Variants in ZC3H18 observed in about 807,000 individuals in gnomAD.
ZC3H18 encodes zinc finger CCCH domain-containing protein 18.
A neutral mutation model predicts 106.1 loss-of-function variants in ZC3H18; 8 were observed. That is an observed-to-expected ratio of 0.08 (90% CI 0.04 to 0.14). The LOEUF is 0.14. Among genes scored for constraint, ZC3H18 ranks in the 10% least tolerant of loss-of-function variants. The pLI, the probability that ZC3H18 is intolerant of heterozygous loss-of-function variation, is 1.00. For synonymous variants in ZC3H18, 635 were observed against 522.1 expected (o/e 1.22, Z -2.95); for missense variants, 1,318 against 1,278.4 (o/e 1.03, Z -0.47).
At chr16:88,587,468 C>G in intron 3 of ZC3H18, 1 of 1,282,244 alleles carries the variant, frequency 7.8e-7, no homozygotes. Context: ...TGCTGTAAGC[C>G]CATAGATGAC....
chr16:88,586,837 T>C (rs566165611), intron 3 of ZC3H18, 153 bp downstream of exon 3: 34 of 621,328 alleles, frequency 5.5e-5, no homozygotes, highest in East Asian at 2.2e-4. Context: ...GTGGTGGTGG[T>C]GGCAATATTG....
chr16:88,612,791 C>T (rs1297948847), intron 8 of ZC3H18, among the ~76,000 whole-genome samples: 1 of 151,938 alleles, frequency 6.6e-6, no homozygotes, highest in Non-Finnish European at 1.5e-5. Context: ...TGCTTGAGCT[C>T]AGGAATTGAG....
chr16:88,584,078 T>C (rs747485701), intron 2 of ZC3H18, among the ~76,000 whole-genome samples: 11 of 152,206 alleles, frequency 7.2e-5, no homozygotes, highest in Admixed American at 2.6e-4. Flanking sequence ...GTTTATTTAT[T>C]TTGGGAGGTT....
chr16:88,610,356 GGAAGAGGGCCCCATCGTGCCA>G (rs1464771688), intron 7 of ZC3H18, among the ~76,000 whole-genome samples: 1 of 152,144 alleles, frequency 6.6e-6, no homozygotes. Flanking sequence ...GCTTGCAGAG[GGAAGAGGGCCCCATCGTGCCA>G]GAAAAGTCCC....
chr16:88,625,464 A>T (rs936843708), intron 13 of ZC3H18, 197 bp downstream of exon 13: 3 of 575,666 alleles, frequency 5.2e-6, no homozygotes, highest in Middle Eastern at 4.1e-4. Flanking sequence ...TGATAGGAAG[A>T]CCCCCTCCCC....
chr16:88,588,341 C>G lies in ZC3H18; in HGVS notation c.688+1657C>G, dbSNP rs141438015. 2.6e-3 allele frequency among the ~76,000 whole-genome samples: 398 copies of G among 152,334 alleles called. 1 individual carries two copies. The highest frequency in any genetic ancestry group is 9.1e-3 in the African/African-American group (377 of 41,576). On this transcript the variant is annotated intron_variant, in intron 3 of 17. Coordinates refer to ENST00000301011, the MANE Select transcript of ZC3H18 (RefSeq NM_144604.4). Reference sequence around the variant, plus strand: ...GTGGCAGTGTGACTGGGAAGCTTGACCGGCCAGTCGGCGTTGGCCTGATGG... The same window carrying G: ...GTGGCAGTGTGACTGGGAAGCTTGAGCGGCCAGTCGGCGTTGGCCTGATGG...
intron 1 of ZC3H18, among the ~76,000 whole-genome samples, chr16:88,572,780 C>T (rs757061150): frequency 1.3e-5 from 2 of 151,808 alleles, no homozygotes; most frequent in South Asian, 2.1e-4. Flanking sequence ...TTTTTTGAAA[C>T]GGAGTCTCAC....
intron 1 of ZC3H18, among the ~76,000 whole-genome samples, chr16:88,572,441 C>T (rs530913546): frequency 2.0e-5 from 3 of 151,878 alleles, no homozygotes; most frequent in East Asian, 1.9e-4. Flanking sequence ...CAGGTAGTTC[C>T]TCAATTAACG....
chr16:88,601,937 C>T (rs1382665907), intron 6 of ZC3H18, among the ~76,000 whole-genome samples: 5 of 152,046 alleles, frequency 3.3e-5, no homozygotes, highest in East Asian at 1.9e-4. Flanking sequence ...AGGGTGGAGA[C>T]CCCCCTATGA....
chr16:88,607,363 G>A (rs1905061647), intron 6 of ZC3H18, among the ~76,000 whole-genome samples: 1 of 152,210 alleles, frequency 6.6e-6, no homozygotes, highest in African/African-American at 2.4e-5. Context: ...TTCTTGGGGT[G>A]CGATTTTTCA....
Position 88,627,641 on chromosome 16 carries a change from G to C in ZC3H18, c.2128G>C (p.Val710Leu), listed in dbSNP as rs370561351. 1.2e-6 allele frequency: 2 copies of C among 1,606,238 alleles called. No homozygotes were observed. Among genetic ancestry groups the C allele is most frequent in the Admixed American group, 3.3e-5 (2 of 59,826 alleles). Reference sequence around the variant, plus strand: ...GTCCAGGTCCCTGAGCGTGAGCAGCGTCTCCTCAGTGTCCAGTGCTACGTC... The same window carrying C: ...GTCCAGGTCCCTGAGCGTGAGCAGCCTCTCCTCAGTGTCCAGTGCTACGTC... ...SRSRSLSVSS[V>L]SSVSSATSSS... is the part of the protein sequence containing the mutation. Residue 710 changes from valine to leucine, a missense_variant, in exon 14 of 18, where the codon GTC becomes CTC. Around this residue, in one of 6 missense-constraint regions of ZC3H18, gnomAD observed 848 missense variants for 821.7 expected, o/e 1.03. Transcript: ENST00000301011. This position sits in a 1 kb window ranked among gnomAD's most constrained non-coding sequence, Gnocchi z 4.5.
chr16:88,612,680 A>T (rs1202592883), intron 8 of ZC3H18, among the ~76,000 whole-genome samples: 1 of 139,882 alleles, frequency 7.1e-6, no homozygotes, highest in Non-Finnish European at 1.6e-5. Context: ...CCCTGTATCT[A>T]AAAAAAAAAA....
At chr16:88,620,089 C>G (rs965767649) in intron 8 of ZC3H18, among the ~76,000 whole-genome samples, 3 of 152,198 alleles carry the variant, frequency 2.0e-5, no homozygotes, top group Non-Finnish European at 4.4e-5. Context: ...GGAGCTGCCC[C>G]CATCCTGCAT....
At chr16:88,602,564 A>T (rs568921915) in intron 6 of ZC3H18, among the ~76,000 whole-genome samples, 1 of 152,352 alleles carries the variant, frequency 6.6e-6, no homozygotes, top group Non-Finnish European at 1.5e-5. Context: ...TGTTTTTAAC[A>T]AGCCCTCCAG....
intron 1 of ZC3H18, chr16:88,571,777 A>C: frequency 1.4e-6 from 1 of 713,926 alleles, no homozygotes; most frequent in Non-Finnish European, 1.7e-6. Context: ...TTTAGTGGTC[A>C]CGCTTGGTCA....
intron 12 of ZC3H18, among the ~76,000 whole-genome samples, chr16:88,624,998 C>T (rs990725510): frequency 3.3e-5 from 5 of 152,218 alleles, no homozygotes; most frequent in African/African-American, 1.2e-4. Context: ...GCCCCGTCTG[C>T]ACTGGAAGGT....
At chr16:88,593,374 A>T (rs918515540) in intron 3 of ZC3H18, among the ~76,000 whole-genome samples, 1 of 152,236 alleles carries the variant, frequency 6.6e-6, no homozygotes, top group Non-Finnish European at 1.5e-5. Flanking sequence ...CATCTGCTGG[A>T]CAAAGGGATG....
rs367592069 is a variant in ZC3H18 at position 88,628,199 on chromosome 16, G to C, written c.2469+80G>C. ...TGCTTCCTGAGACAGCTTCCTCCTG[G>C]GGGACGGAGCCTGAGTGAGGGCGAG... is the stretch of plus-strand genomic sequence containing the variant. On this transcript the variant is annotated intron_variant, in intron 15 of 17. Transcript: ENST00000301011. The C allele has an allele frequency of 8.5e-6, 13 of 1,533,054 alleles. No homozygotes were observed. In the South Asian group the frequency reaches 1.1e-4, roughly 13 times the overall value. 95.0% of individuals were successfully genotyped at this position (1,533,054 alleles called of 1,614,324 possible).
chr16:88,622,438 A>G, intron 9 of ZC3H18, 50 bp downstream of exon 9: 1 of 1,526,062 alleles, frequency 6.6e-7, no homozygotes, highest in Non-Finnish European at 8.8e-7. Context: ...TGGAGCCGTC[A>G]GCTGACACCA....
Sources: gnomAD v4.1 joint callset for allele counts (sites outside exome capture counted in the v4.1 genomes callset) on GRCh38, gnomAD v4.1.1 for gene constraint, gnomAD v4.1.1 regional missense constraint, Gnocchi (gnomAD v3.1) non-coding constraint, MANE v1.5 for transcripts, NCBI Gene and HGNC (gene_info 2026-07-23, HGNC 2026-07-21) for gene names.